The following HCN1 variants were observed in gnomAD, a reference collection of about 807,000 sequenced individuals.
The protein encoded by HCN1 is potassium/sodium hyperpolarization-activated cyclic nucleotide-gated channel 1.
In HCN1, 13 loss-of-function variants were observed where a neutral mutation model predicts 78.9. The ratio of observed to expected loss-of-function variants is 0.16; its 90% CI spans 0.11 to 0.26. The LOEUF (loss-of-function observed/expected upper bound fraction) is 0.26, where lower values mean the gene tolerates loss of function less well. Among genes scored for constraint, HCN1 ranks in the 10% least tolerant of loss-of-function variants. The pLI, the probability that HCN1 is intolerant of heterozygous loss-of-function variation, is 1.00. For synonymous variants in HCN1, 552 were observed against 455.5 expected (o/e 1.21, Z -2.70); for missense variants, 810 against 1,154.3 (o/e 0.70, Z 4.32).
chr5:45,606,432 C>T (rs562681464), intron 2 of HCN1, among the ~76,000 whole-genome samples: 1 of 151,818 alleles, frequency 6.6e-6, no homozygotes, highest in African/African-American at 2.4e-5. Flanking sequence ...TGGCATTTAT[C>T]CTGAGGAAAT....
chr5:45,388,701 C>T (rs1330040184), intron 4 of HCN1, among the ~76,000 whole-genome samples: 1 of 152,134 alleles, frequency 6.6e-6, no homozygotes, highest in Non-Finnish European at 1.5e-5. Flanking sequence ...CCTATATTCA[C>T]AAATGGCCAT....
chr5:45,631,888 G>A (rs1257278460), intron 2 of HCN1, among the ~76,000 whole-genome samples: 2 of 152,064 alleles, frequency 1.3e-5, no homozygotes, highest in South Asian at 2.1e-4. Context: ...TGAAGCATTT[G>A]CTTTTCATGT....
intron 5 of HCN1, among the ~76,000 whole-genome samples, chr5:45,346,858 C>CCCCA (rs1561116844): frequency 2.5e-4 from 38 of 152,204 alleles, no homozygotes; most frequent in Admixed American, 4.6e-4. Context: ...ACAAAGCAGC[C>CCCCA]GGGAAGCTTG....
intron 2 of HCN1, among the ~76,000 whole-genome samples, chr5:45,528,266 G>A (rs1742778876): frequency 6.6e-6 from 1 of 151,786 alleles, no homozygotes; most frequent in Admixed American, 6.6e-5. Flanking sequence ...ATAAATTAAG[G>A]TTCTCTGTTC....
At chr5:45,616,911 G>A (rs35197327) in intron 2 of HCN1, among the ~76,000 whole-genome samples, 40,715 of 151,628 alleles carry the variant, frequency 0.27, 5,571 homozygotes, top group East Asian at 0.32. Flanking sequence ...TACTTATCCC[G>A]CAAATGTGTC....
At chr5:45,311,062 G>A (rs1240208301) in intron 5 of HCN1, among the ~76,000 whole-genome samples, 4 of 152,228 alleles carry the variant, frequency 2.6e-5, no homozygotes, top group African/African-American at 9.6e-5. Flanking sequence ...TGGATACTAG[G>A]TTTAATGCCT....
chr5:45,519,778 A>T (rs1561186253), intron 2 of HCN1, among the ~76,000 whole-genome samples: 2 of 152,070 alleles, frequency 1.3e-5, no homozygotes, highest in South Asian at 4.1e-4. Context: ...TGTCTTTTAC[A>T]AACTTGCTGT....
At chr5:45,580,579 G>A (rs1399683677) in intron 2 of HCN1, among the ~76,000 whole-genome samples, 1 of 151,972 alleles carries the variant, frequency 6.6e-6, no homozygotes, top group Non-Finnish European at 1.5e-5. Context: ...GGGTACATGT[G>A]CACAACCTGC....
chr5:45,625,806 C>T (rs1745153008), intron 2 of HCN1, among the ~76,000 whole-genome samples: 1 of 151,184 alleles, frequency 6.6e-6, no homozygotes, highest in Admixed American at 6.6e-5. Context: ...ATTGCAAACA[C>T]CAAAACCAAA....
chr5:45,443,710 T>C (rs950469898), intron 3 of HCN1, among the ~76,000 whole-genome samples: 1 of 152,138 alleles, frequency 6.6e-6, no homozygotes, highest in African/African-American at 2.4e-5. Flanking sequence ...CTTCTGACTT[T>C]CTTCCCTCAA....
intron 2 of HCN1, among the ~76,000 whole-genome samples, chr5:45,585,758 C>G (rs1744203470): frequency 6.6e-6 from 1 of 152,156 alleles, no homozygotes; most frequent in Non-Finnish European, 1.5e-5. Context: ...GGACCCTCAG[C>G]TGCAGGTCTG....
intron 3 of HCN1, among the ~76,000 whole-genome samples, chr5:45,413,697 G>C (rs749640668): frequency 2.6e-5 from 4 of 151,912 alleles, no homozygotes; most frequent in African/African-American, 4.8e-5. Flanking sequence ...GGATATGAAG[G>C]GGCAGGAAAA....
In HCN1 at chr5:45,259,442, C is replaced by G. The variant is rs1325323021; in HGVS notation, c.*2479G>C. ...ATTTCTTTCTGTACAGATTAAAACT[C>G]CATACATACGGGCTTCACTATGTAC... On this transcript the variant is annotated 3_prime_UTR_variant, in exon 8 of 8. Transcript: ENST00000303230. 3 of 152,228 alleles carry G rather than the reference C, an allele frequency of 2.0e-5. No individual in the cohort carries two copies. In the East Asian group the frequency reaches 5.8e-4, roughly 29 times the overall value. The allele number at this position is 152,228 out of a possible 1,614,324, so 9.4% of individuals were successfully genotyped here.
chr5:45,337,171 T>C (rs1039456935), intron 5 of HCN1, among the ~76,000 whole-genome samples: 2 of 152,112 alleles, frequency 1.3e-5, no homozygotes, highest in Non-Finnish European at 2.9e-5. Flanking sequence ...GAGCTCTGCA[T>C]TGAATGACTA....
intron 2 of HCN1, among the ~76,000 whole-genome samples, chr5:45,620,374 T>C (rs1745034407): frequency 6.6e-6 from 1 of 152,082 alleles, no homozygotes; most frequent in Admixed American, 6.6e-5. Context: ...AGAAATATAC[T>C]ATATTTATGT....
chr5:45,444,561 C>A (rs1047686208), intron 3 of HCN1, among the ~76,000 whole-genome samples: 13 of 151,992 alleles, frequency 8.6e-5, no homozygotes, highest in African/African-American at 3.1e-4. Context: ...TTGTCTGATT[C>A]TTGTACTTGT....
At chr5:45,425,478 G>T (rs995652867) in intron 3 of HCN1, among the ~76,000 whole-genome samples, 8 of 152,142 alleles carry the variant, frequency 5.3e-5, no homozygotes, top group Non-Finnish European at 5.9e-5. Flanking sequence ...GTAGAACTGG[G>T]TAAGTTAGTG....
At chr5:45,429,410 T>A (rs1471928492) in intron 3 of HCN1, among the ~76,000 whole-genome samples, 1 of 152,092 alleles carries the variant, frequency 6.6e-6, no homozygotes, top group Non-Finnish European at 1.5e-5. Context: ...CTTACTCACA[T>A]AGCTGACAAG....
At chr5:45,434,341 C>G (rs1179062630) in intron 3 of HCN1, among the ~76,000 whole-genome samples, 1 of 152,188 alleles carries the variant, frequency 6.6e-6, no homozygotes, top group Non-Finnish European at 1.5e-5. Context: ...TGCACCAGCA[C>G]TGTTTCAATC....
Sources: gnomAD v4.1 joint callset for allele counts (sites outside exome capture counted in the v4.1 genomes callset) on GRCh38, gnomAD v4.1.1 for gene constraint, MANE v1.5 for transcripts, NCBI Gene and HGNC (gene_info 2026-07-23, HGNC 2026-07-21) for gene names.